The following NXPH1 variants were observed in gnomAD, a reference collection of about 807,000 sequenced individuals.
NXPH1 encodes the protein neurexophilin 1.
NXPH1 carries 5 observed loss-of-function variants against 23.7 expected under a neutral mutation model. The ratio of observed to expected loss-of-function variants is 0.21; its 90% CI spans 0.11 to 0.44. The LOEUF is 0.44. NXPH1 is among the 20% of genes least tolerant of loss of function. The pLI, the probability that NXPH1 is intolerant of heterozygous loss-of-function variation, is 0.99. For missense variants in NXPH1, 324 were observed against 321.6 expected (o/e 1.01, Z -0.06); for synonymous variants, 144 against 122.2 (o/e 1.18, Z -1.18).
chr7:8,453,058 C>T (rs1816533956), intron 2 of NXPH1, among the ~76,000 whole-genome samples: 1 of 152,092 alleles, frequency 6.6e-6, no homozygotes, highest in South Asian at 2.1e-4. Flanking sequence ...ACCAGAATTT[C>T]ACTCCAGTTT....
intron 2 of NXPH1, among the ~76,000 whole-genome samples, chr7:8,477,982 A>G (rs1817006072): frequency 6.6e-6 from 1 of 152,078 alleles, no homozygotes; most frequent in Admixed American, 6.6e-5. Context: ...CTAATCATTA[A>G]TAATCTTGTT....
At chr7:8,694,079 C>T (rs1046116310) in intron 2 of NXPH1, among the ~76,000 whole-genome samples, 4 of 152,142 alleles carry the variant, frequency 2.6e-5, no homozygotes, top group Non-Finnish European at 4.4e-5. Context: ...ATGCAATGAA[C>T]GAATCCACTG....
intron 2 of NXPH1, among the ~76,000 whole-genome samples, chr7:8,658,864 A>G (rs913259199): frequency 6.6e-6 from 1 of 152,174 alleles, no homozygotes; most frequent in Non-Finnish European, 1.5e-5. Flanking sequence ...GGGACAGGGT[A>G]GTTTAGTTTT....
intron 2 of NXPH1, among the ~76,000 whole-genome samples, chr7:8,626,779 T>G (rs745938455): frequency 1.3e-5 from 2 of 152,100 alleles, no homozygotes; most frequent in Non-Finnish European, 2.9e-5. Flanking sequence ...AGTAGTAATT[T>G]CTCCCATGCG....
At chr7:8,465,596 G>T (rs1816774332) in intron 2 of NXPH1, among the ~76,000 whole-genome samples, 1 of 152,184 alleles carries the variant, frequency 6.6e-6, no homozygotes, top group Non-Finnish European at 1.5e-5. Context: ...TGCAAAGCAG[G>T]GGGCATTTTC....
chr7:8,617,822 A>G (rs1026235882), intron 2 of NXPH1, among the ~76,000 whole-genome samples: 6 of 152,142 alleles, frequency 3.9e-5, no homozygotes, highest in Admixed American at 1.3e-4. Context: ...AATTTAAAGG[A>G]TAAATGCTTG....
intron 2 of NXPH1, among the ~76,000 whole-genome samples, chr7:8,650,882 A>T (rs1820479984): frequency 6.6e-6 from 1 of 152,226 alleles, no homozygotes. Flanking sequence ...TAAATGAACA[A>T]AACTAAATGG....
chr7:8,695,739 T>C (rs1317784083), intron 2 of NXPH1, among the ~76,000 whole-genome samples: 2 of 152,196 alleles, frequency 1.3e-5, no homozygotes, highest in East Asian at 3.8e-4. Flanking sequence ...CTCAAAACTT[T>C]TTTATAAAGA....
chr7:8,565,107 T>C (rs1441101588), intron 2 of NXPH1, among the ~76,000 whole-genome samples: 1 of 151,804 alleles, frequency 6.6e-6, no homozygotes, highest in East Asian at 1.9e-4. Flanking sequence ...ACAAATCAGA[T>C]GTGGCCCTGT....
At chr7:8,530,805 G>A (rs1817939479) in intron 2 of NXPH1, among the ~76,000 whole-genome samples, 1 of 152,192 alleles carries the variant, frequency 6.6e-6, no homozygotes, top group African/African-American at 2.4e-5. Context: ...TTACTAGCCT[G>A]TTTCCTGGGC....
intron 2 of NXPH1, among the ~76,000 whole-genome samples, chr7:8,499,646 A>G (rs965500580): frequency 1.2e-4 from 18 of 152,076 alleles, no homozygotes; most frequent in African/African-American, 4.3e-4. Context: ...CAAATTCGGT[A>G]ATCAATACTC....
chr7:8,674,712 A>G (rs114639988), intron 2 of NXPH1, among the ~76,000 whole-genome samples: 2,637 of 152,298 alleles, frequency 0.017, 80 homozygotes, highest in African/African-American at 0.06. Context: ...TTGTAGCTGC[A>G]TTAATGAAGC....
At chr7:8,570,502 T>C (rs1818623602) in intron 2 of NXPH1, among the ~76,000 whole-genome samples, 2 of 152,056 alleles carry the variant, frequency 1.3e-5, no homozygotes, top group South Asian at 4.1e-4. Context: ...TATACTATAG[T>C]AATCAGCATA....
chr7:8,737,020 G>A (rs183926651), intron 2 of NXPH1, among the ~76,000 whole-genome samples: 17 of 151,594 alleles, frequency 1.1e-4, no homozygotes, highest in South Asian at 1.0e-3. Context: ...TTGAGCGTGC[G>A]TGTGTGTTTG....
rs1210890862 is a variant in NXPH1, at chr7:8,561,980, A to T, written c.54+126213A>T. 2.0e-5 allele frequency among the ~76,000 whole-genome samples: 3 copies of T among 151,772 alleles called. No homozygotes were observed. In the East Asian group the frequency reaches 5.8e-4, roughly 30 times the overall value. On this transcript the variant is annotated intron_variant, in intron 2 of 2. Transcript: ENST00000405863. ...GAAACGGTTACTACGGTCAAACAAT[A>T]TTAAGCATCCAAATGAGAGTTACAG...
At chr7:8,694,196 G>A (rs1352726456) in intron 2 of NXPH1, among the ~76,000 whole-genome samples, 2 of 152,182 alleles carry the variant, frequency 1.3e-5, no homozygotes, top group Non-Finnish European at 2.9e-5. Context: ...TGCATGTCAT[G>A]AAAGTGCTCA....
At chr7:8,646,486 C>T (rs544699598) in intron 2 of NXPH1, among the ~76,000 whole-genome samples, 15 of 152,146 alleles carry the variant, frequency 9.9e-5, no homozygotes, top group African/African-American at 3.6e-4. Context: ...CTGGCTATAA[C>T]CTCCAGTAAA....
chr7:8,441,994 A>G (rs899201676), intron 2 of NXPH1, among the ~76,000 whole-genome samples: 5 of 152,002 alleles, frequency 3.3e-5, no homozygotes, highest in African/African-American at 1.2e-4. Flanking sequence ...AAAGTTCCTT[A>G]GGCGTCTAGT....
At chr7:8,718,931 A>G (rs1779920670) in intron 2 of NXPH1, among the ~76,000 whole-genome samples, 1 of 152,218 alleles carries the variant, frequency 6.6e-6, no homozygotes, top group African/African-American at 2.4e-5. Flanking sequence ...AGTCTGCAAC[A>G]CAGAATGCTT....
Sources: gnomAD v4.1 joint callset for allele counts (sites outside exome capture counted in the v4.1 genomes callset) on GRCh38, gnomAD v4.1.1 for gene constraint, MANE v1.5 for transcripts, NCBI Gene and HGNC (gene_info 2026-07-23, HGNC 2026-07-21) for gene names.